Variants in HSD17B3 observed in about 807,000 individuals in gnomAD.
HSD17B3 encodes the protein hydroxysteroid 17-beta dehydrogenase 3, also known as 17-beta-hydroxysteroid dehydrogenase type 3.
A neutral mutation model predicts 41.1 loss-of-function variants in HSD17B3; 29 were observed. That is an observed-to-expected ratio of 0.71 (90% confidence interval 0.53 to 0.96). The LOEUF (loss-of-function observed/expected upper bound fraction) is 0.96. HSD17B3 is among the 40% of genes least tolerant of loss of function. HSD17B3 has a pLI of 0.00. For missense variants in HSD17B3, 323 were observed against 374.6 expected (o/e 0.86, Z 1.14); for synonymous variants, 126 against 145.6 (o/e 0.87, Z 0.97).
chr9:96,269,696 G>T (rs1826166026), intron 2 of HSD17B3, among the ~76,000 whole-genome samples: 1 of 152,050 alleles, frequency 6.6e-6, no homozygotes, highest in Admixed American at 6.5e-5. Flanking sequence ...CTGAGGTCAG[G>T]AGTTCGAGAC....
chr9:96,282,418 A>G (rs1382132482), intron 2 of HSD17B3, among the ~76,000 whole-genome samples: 2 of 152,224 alleles, frequency 1.3e-5, no homozygotes, highest in African/African-American at 4.8e-5. Context: ...TAAAATAAAG[A>G]CATTTGGTCT....
At chr9:96,270,557 A>G (rs1407608525) in intron 2 of HSD17B3, among the ~76,000 whole-genome samples, 1 of 152,282 alleles carries the variant, frequency 6.6e-6, no homozygotes, top group East Asian at 1.9e-4. Flanking sequence ...CAAAGTAAGC[A>G]TGTGCTATTA....
At chr9:96,261,310 C>T (rs905539021) in intron 2 of HSD17B3, among the ~76,000 whole-genome samples, 4 of 152,224 alleles carry the variant, frequency 2.6e-5, no homozygotes, top group Admixed American at 2.6e-4. Context: ...ATTCTCCTGC[C>T]TCAGCCTCCT....
At chr9:96,241,667 A>T (rs1836442868) in intron 9 of HSD17B3, among the ~76,000 whole-genome samples, 1 of 152,052 alleles carries the variant, frequency 6.6e-6, no homozygotes, top group Non-Finnish European at 1.5e-5. Context: ...TGGCATGGTG[A>T]CTCATGCCTG....
rs2066476 is a variant in HSD17B3, at chr9:96,302,133, T to C, written c.-29A>G. On this transcript the variant is annotated 5_prime_UTR_variant, in exon 1 of 11. Coordinates refer to ENST00000375263, the MANE Select transcript of HSD17B3 (RefSeq NM_000197.2). Reference sequence around the variant, plus strand: ...TGCACTCAACAGACTGTTTCAGCCCTGGCCGTGGCTCTCTGTGTATGCCTC... The same window carrying C: ...TGCACTCAACAGACTGTTTCAGCCCCGGCCGTGGCTCTCTGTGTATGCCTC... 20,254 of 1,611,488 alleles carry C rather than the reference T, an allele frequency of 0.013. 1,131 individuals carry two copies. The East Asian group carries it at 0.2, about 16-fold the overall frequency.
chr9:96,291,941 A>T (rs1827175484), intron 2 of HSD17B3, among the ~76,000 whole-genome samples: 1 of 152,136 alleles, frequency 6.6e-6, no homozygotes, highest in South Asian at 2.1e-4. Flanking sequence ...TAGGTGACAG[A>T]GTGAGACACC....
intron 3 of HSD17B3, among the ~76,000 whole-genome samples, chr9:96,253,163 C>T (rs894238564): frequency 2.0e-5 from 3 of 152,160 alleles, no homozygotes; most frequent in African/African-American, 7.2e-5. Context: ...TGCAGCGGTT[C>T]TCAAAGTGGA....
At chr9:96,272,427 A>ATATATATC (rs1554699304) in intron 2 of HSD17B3, among the ~76,000 whole-genome samples, 1 of 58,006 alleles carries the variant, frequency 1.7e-5, no homozygotes, top group African/African-American at 6.0e-5. Context: ...ATATATATAT[A>ATATATATC]TATATATATA....
At chr9:96,289,708 G>A (rs1827073659) in intron 2 of HSD17B3, among the ~76,000 whole-genome samples, 1 of 152,146 alleles carries the variant, frequency 6.6e-6, no homozygotes, top group Admixed American at 6.5e-5. Context: ...CCAAGAGGGG[G>A]GCGCCCGAGA....
At chr9:96,279,846 G>T (rs1253889042) in intron 2 of HSD17B3, among the ~76,000 whole-genome samples, 4 of 151,442 alleles carry the variant, frequency 2.6e-5, no homozygotes, top group Admixed American at 1.3e-4. Flanking sequence ...CTCGGCTCAC[G>T]GCAAGCTCCG....
chr9:96,268,621 A>G lies in HSD17B3; in HGVS notation c.202-13678T>C, dbSNP rs551109324. Among the ~76,000 whole-genome samples, 23 of 152,262 alleles carry G rather than the reference A, an allele frequency of 1.5e-4. No individual in the cohort carries two copies. The South Asian group carries it at 4.8e-3, about 32-fold the overall frequency. ...CTTTTTCAAAGAATAAAACACCTCT[A>G]TTCAGTTTATGAGGCGTATGAAAAC... On this transcript the variant is annotated intron_variant, in intron 2 of 10. Coordinates refer to ENST00000375263, the MANE Select transcript of HSD17B3 (RefSeq NM_000197.2).
At chr9:96,262,229 C>CTTTTTTTTTTTTTTTTTTTTTTTTTTTT (rs71368240) in intron 2 of HSD17B3, among the ~76,000 whole-genome samples, 1 of 54,166 alleles carries the variant, frequency 1.8e-5, no homozygotes, top group Non-Finnish European at 3.1e-5. Flanking sequence ...ATGTCAATTG[C>CTTTTTTTTTTTTTTTTTTTTTTTTTTTT]TTTTTTTTTT....
At chr9:96,276,464 G>A (rs1564051686) in intron 2 of HSD17B3, among the ~76,000 whole-genome samples, 1 of 152,072 alleles carries the variant, frequency 6.6e-6, no homozygotes, top group Non-Finnish European at 1.5e-5. Context: ...TGAGCAAGAA[G>A]AACAAAGTGG....
chr9:96,239,146 T>C (rs1330456886), intron 10 of HSD17B3, among the ~76,000 whole-genome samples: 2 of 152,224 alleles, frequency 1.3e-5, no homozygotes, highest in Non-Finnish European at 2.9e-5. Flanking sequence ...TCCCTCATCC[T>C]TGACAGACAT....
intron 2 of HSD17B3, among the ~76,000 whole-genome samples, chr9:96,262,091 A>G (rs1360820947): frequency 6.6e-6 from 1 of 152,156 alleles, no homozygotes; most frequent in African/African-American, 2.4e-5. Context: ...TTAAAGAGAC[A>G]CTTAGAAACA....
chr9:96,295,114 C>T lies in HSD17B3; in HGVS notation c.201+3302G>A, dbSNP rs532510009. 2.0e-5 allele frequency among the ~76,000 whole-genome samples: 3 copies of T among 148,166 alleles called. No homozygotes were observed. The Admixed American group carries it at 2.1e-4, about 10-fold the overall frequency. ...CTTCACCTCCTGGGTTCAAGCGATT[C>T]TCCTGCCTCAGCCTCCTGAGTAGCT... On this transcript the variant is annotated intron_variant, in intron 2 of 10. Coordinates refer to ENST00000375263, the MANE Select transcript of HSD17B3 (RefSeq NM_000197.2).
chr9:96,269,909 GAAAAAAAA>G (rs59947729), intron 2 of HSD17B3, among the ~76,000 whole-genome samples: 2 of 103,880 alleles, frequency 1.9e-5, no homozygotes, highest in Non-Finnish European at 3.9e-5. Flanking sequence ...ATCTTAAAAA[GAAAAAAAA>G]AAAAAAAAAA....
rs188471808 is a variant in HSD17B3 at position 96,251,430 on chromosome 9, C to T, written c.441G>A (p.Pro147=). 3.0e-5 allele frequency: 48 copies of T among 1,613,924 alleles called. No individual in the cohort carries two copies. The Admixed American group carries it at 4.5e-4, about 15-fold the overall frequency. Residue 147 remains proline, a synonymous_variant, in exon 5 of 11, where the codon CCG becomes CCA. Coordinates refer to ENST00000375263, the MANE Select transcript of HSD17B3 (RefSeq NM_000197.2). ...AGCACAAGTCTACCTGGATTTCATC[C>T]GGTGCGTTCAGGAAATGGCTTGGGA... ...NLLPSHFLNA[P]DEIQSLIHCN... is the part of the protein sequence containing the mutation.
At chr9:96,277,555 A>C (rs894858269) in intron 2 of HSD17B3, among the ~76,000 whole-genome samples, 2 of 152,244 alleles carry the variant, frequency 1.3e-5, no homozygotes, top group African/African-American at 4.8e-5. Flanking sequence ...CTACTATAAA[A>C]AAGACAAAAG....
Sources: allele counts gnomAD v4.1 joint callset (sites outside exome capture counted in the v4.1 genomes callset), GRCh38; gene constraint gnomAD v4.1.1; transcripts MANE v1.5; gene names NCBI Gene and HGNC (gene_info 2026-07-23, HGNC 2026-07-21).